Variants in ZSWIM4 observed in about 807,000 individuals in gnomAD.
The protein encoded by ZSWIM4 is zinc finger SWIM domain-containing protein 4.
ZSWIM4 carries 62 observed loss-of-function variants against 102.5 expected under a neutral mutation model. The observed-to-expected ratio is 0.60, with a 90% CI of 0.49 to 0.75. ZSWIM4 has a LOEUF of 0.75. ZSWIM4 is among the 30% of genes least tolerant of loss of function. The probability of loss-of-function intolerance (pLI) is 0.00; values close to 1 mark genes in which losing one functional copy is unlikely to be tolerated. For missense variants in ZSWIM4, 1,280 were observed against 1,529.6 expected, an observed-to-expected ratio of 0.84 and a Z score of 2.72; for synonymous variants, 652 against 674.5, an observed-to-expected ratio of 0.97 and a Z score of 0.52.
intron 11 of ZSWIM4, among the ~76,000 whole-genome samples, 190 bp downstream of exon 11, chr19:13,823,690 C>T (rs1599612543): frequency 6.6e-6 from 1 of 152,320 alleles, no homozygotes; most frequent in Middle Eastern, 3.4e-3. Context: ...TGTCCCAGAT[C>T]CCCTGCCCTG....
chr19:13,805,557 G>A (rs939765437), intron 3 of ZSWIM4, among the ~76,000 whole-genome samples: 2 of 151,936 alleles, frequency 1.3e-5, no homozygotes, highest in African/African-American at 4.8e-5. Flanking sequence ...GAGGCGTGGT[G>A]AGGGCTGGGA....
In ZSWIM4 at chr19:13,832,160, CTT is replaced by C. The variant is rs1975785730; in HGVS notation, c.*1114_*1115del. ...TTTCAAAGATTGAACAGAAATTTTT[CTT>C]TTTAATTTTATTTTGAGACTGGGGT... On this transcript the variant is annotated 3_prime_UTR_variant, in exon 14 of 14. Coordinates refer to ENST00000590508, the MANE Select transcript of ZSWIM4 (RefSeq NM_001367834.3). The C allele has an allele frequency of 1.1e-5, 1 of 88,538 alleles. No homozygotes were observed. Among genetic ancestry groups the C allele is most frequent in the Non-Finnish European group, 2.2e-5 (1 of 45,996 alleles). 5.5% of individuals were successfully genotyped at this position (88,538 alleles called of 1,614,324 possible).
At chr19:13,797,075 A>C (rs1477103480) in intron 1 of ZSWIM4, 1 of 152,314 alleles carries the variant, frequency 6.6e-6, no homozygotes, top group Non-Finnish European at 1.5e-5. Flanking sequence ...CACACAGAAC[A>C]ATCTGAAAAC....
At chr19:13,820,887 T>G (rs1975444045) in intron 10 of ZSWIM4, among the ~76,000 whole-genome samples, 1 of 149,284 alleles carries the variant, frequency 6.7e-6, no homozygotes, top group Admixed American at 6.7e-5. Flanking sequence ...ACTTGGAAGC[T>G]GATAGACATT....
At chr19:13,816,495 C>T (rs1048996750) in intron 7 of ZSWIM4, among the ~76,000 whole-genome samples, 11 of 152,034 alleles carry the variant, frequency 7.2e-5, no homozygotes, top group African/African-American at 2.7e-4. Flanking sequence ...GGTGTGGTGG[C>T]ACGTACCTGT....
rs762039515 is a variant in ZSWIM4, at chr19:13,819,506, G to A, written c.2060+14G>A. On this transcript the variant is annotated intron_variant, in intron 10 of 13. Transcript: ENST00000590508. ...GCGAGCTATGAGGTGAGGATAGGTG[G>A]CCAAGGCAGTGGCAGGGGGAGCTGG... is the stretch of plus-strand genomic sequence containing the variant. 4.4e-6 allele frequency: 7 copies of A among 1,581,984 alleles called. No homozygotes were observed. Among genetic ancestry groups the A allele is most frequent in the Non-Finnish European group, 6.0e-6 (7 of 1,164,436 alleles).
rs1974609383 is a variant in ZSWIM4 at position 13,796,221 on chromosome 19, G to T, written c.153+420G>T. ...CTCTTTTCCCACCTTATCCCCCAAC[G>T]GTACCCCTCTTTTCCTACCGCATCT... On this transcript the variant is annotated intron_variant, in intron 1 of 13. Transcript: ENST00000590508. Among the ~76,000 whole-genome samples the T allele has an allele frequency of 1.6e-5, 2 of 127,680 alleles. 1 individual carries two copies. The highest frequency in any genetic ancestry group is 3.2e-5 in the Non-Finnish European group (2 of 62,326). 83.8% of individuals were successfully genotyped at this position (127,680 alleles called of 152,430 possible). A position where few individuals can be genotyped will look rare whatever the true frequency, so the allele number is the denominator to read the frequency against.
In ZSWIM4 at chr19:13,830,813, G is replaced by A. The variant is rs374187895; in HGVS notation, c.3084G>A (p.Pro1028=). ...AGCCACTGGGTGCCGACCGGGCGCC[G>A]CTCTGCCAGCTCCTGGACGCGGCAG... ...AAKPLGADRA[P]LCQLLDAAVT... is the part of the protein sequence containing the mutation. The change falls in exon 14 of 14, where the codon CCG becomes CCA. Residue 1028 remains proline, a synonymous_variant. Coordinates refer to ENST00000590508, the MANE Select transcript of ZSWIM4 (RefSeq NM_001367834.3). The A allele has an allele frequency of 5.6e-6, 9 of 1,604,916 alleles. No homozygotes were observed. Among genetic ancestry groups the A allele is most frequent in the Middle Eastern group, 1.7e-4 (1 of 6,018 alleles).
Position 13,830,844 on chromosome 19 carries a change from G to A in ZSWIM4, c.3115G>A (p.Ala1039Thr), listed in dbSNP as rs1377955899. The A allele has an allele frequency of 1.2e-6, 2 of 1,612,400 alleles. No homozygotes were observed. The highest frequency in any genetic ancestry group is 1.1e-5 in the South Asian group (1 of 90,928). ...LCQLLDAAVTAYITTSHSRLT... is the reference protein window; with the variant it reads ...LCQLLDAAVTTYITTSHSRLT... The stretch of plus-strand genomic sequence containing the variant: ...CCAGCTCCTGGACGCGGCAGTCACC[G>A]CCTACATCACCACCAGCCACTCGCG... The change falls in exon 14 of 14, where the codon GCC becomes ACC. Residue 1039 changes from alanine (A) to threonine (T), a missense_variant. Coordinates refer to ENST00000590508, the MANE Select transcript of ZSWIM4 (RefSeq NM_001367834.3).
intron 11 of ZSWIM4, among the ~76,000 whole-genome samples, chr19:13,824,622 C>T (rs1263143179): frequency 1.3e-5 from 2 of 151,634 alleles, no homozygotes; most frequent in African/African-American, 2.4e-5. Flanking sequence ...ATCCCAGCTA[C>T]TTGGGAGGCT....
chr19:13,803,708 G>C (rs1437991305), intron 2 of ZSWIM4, among the ~76,000 whole-genome samples: 4 of 146,708 alleles, frequency 2.7e-5, no homozygotes, highest in African/African-American at 1.0e-4. Flanking sequence ...AGGAAGCTGA[G>C]GTAGGAGAAT....
chr19:13,799,822 G>T lies in ZSWIM4; in HGVS notation c.256G>T (p.Gly86Cys), dbSNP rs770224639. Reference protein sequence around the residue: ...EREICMYSSLGYPPPEGEHDA... With the variant: ...EREICMYSSLCYPPPEGEHDA... Reference sequence around the variant, plus strand: ...GGAAATATGTATGTACTCGTCGCTGGGTTACCCGCCCCCAGAGGGCGAGCA... The same window carrying T: ...GGAAATATGTATGTACTCGTCGCTGTGTTACCCGCCCCCAGAGGGCGAGCA... The change falls in exon 2 of 14, where the codon GGT becomes TGT. Residue 86 changes from glycine (G) to cysteine (C), a missense_variant. Coordinates refer to ENST00000590508, the MANE Select transcript of ZSWIM4 (RefSeq NM_001367834.3). 6.2e-6 allele frequency: 10 copies of T among 1,613,980 alleles called. No homozygotes were observed. The highest frequency in any genetic ancestry group is 8.5e-6 in the Non-Finnish European group (10 of 1,180,022).
intron 13 of ZSWIM4, among the ~76,000 whole-genome samples, chr19:13,829,413 A>G (rs1202306979): frequency 6.6e-6 from 1 of 152,154 alleles, no homozygotes; most frequent in Non-Finnish European, 1.5e-5. Context: ...CAACATGGCA[A>G]AACCCCATCT....
At chr19:13,816,705 A>G (rs903998096) in intron 7 of ZSWIM4, among the ~76,000 whole-genome samples, 16 of 152,176 alleles carry the variant, frequency 1.1e-4, no homozygotes, top group African/African-American at 3.6e-4. Flanking sequence ...TGCTCAGAAT[A>G]GAAGGAACAC....
rs767383130 is a variant in ZSWIM4 at position 13,808,859 on chromosome 19, G to T, written c.736G>T (p.Ala246Ser). The T allele has an allele frequency of 2.5e-6, 4 of 1,609,250 alleles. No homozygotes were observed. The highest frequency in any genetic ancestry group is 3.4e-6 in the Non-Finnish European group (4 of 1,178,088). The change falls in exon 4 of 14, where the codon GCA becomes TCA. Residue 246 changes from alanine (A) to serine (S), a missense_variant. Physicochemically the swap from Ala to Ser is moderately conservative, Grantham distance 99 (BLOSUM62 1). Coordinates refer to ENST00000590508, the MANE Select transcript of ZSWIM4 (RefSeq NM_001367834.3). ...AGGTGCCCCAGACCCCACCGCCGGCGCAGGAATCGAGGACGCCAACTGCTG... is the reference window on the plus strand; with the variant it reads ...AGGTGCCCCAGACCCCACCGCCGGCTCAGGAATCGAGGACGCCAACTGCTG... ...VNGAPDPTAG[A>S]GIEDANCWHL...
intron 12 of ZSWIM4, among the ~76,000 whole-genome samples, chr19:13,826,784 C>T (rs1466365472): frequency 6.6e-6 from 1 of 151,880 alleles, no homozygotes; most frequent in Admixed American, 6.6e-5. Context: ...AAAAAAAAGT[C>T]CTGTATGCAG....
In ZSWIM4 at chr19:13,830,517, G is replaced by C. The variant is rs1312128478; in HGVS notation, c.2788G>C (p.Glu930Gln). 1.3e-6 allele frequency: 2 copies of C among 1,599,698 alleles called. No individual in the cohort carries two copies. Among genetic ancestry groups the C allele is most frequent in the South Asian group, 1.1e-5 (1 of 91,010 alleles). Residue 930 changes from glutamate to glutamine, a missense_variant, in exon 14 of 14, where the codon GAG becomes CAG. Coordinates refer to ENST00000590508, the MANE Select transcript of ZSWIM4 (RefSeq NM_001367834.3). Reference protein sequence around the residue: ...AHLFTVARYMEHRGLPLRAYK... With the variant: ...AHLFTVARYMQHRGLPLRAYK... ...CCTCTTCACTGTGGCCCGCTATATG[G>C]AGCACCGCGGGCTGCCGCTCCGGGC...
chr19:13,799,079 G>T (rs1048069985), intron 1 of ZSWIM4, among the ~76,000 whole-genome samples: 4 of 151,618 alleles, frequency 2.6e-5, no homozygotes, highest in Non-Finnish European at 5.9e-5. Context: ...ATGAGCCACT[G>T]CCCTGACCTA....
chr19:13,822,501 T>C (rs1975493743), intron 10 of ZSWIM4, among the ~76,000 whole-genome samples: 1 of 152,218 alleles, frequency 6.6e-6, no homozygotes. Flanking sequence ...CATCTGTGAA[T>C]TGTCTGTGGC....
Sources: gnomAD v4.1 joint callset for allele counts (sites outside exome capture counted in the v4.1 genomes callset) on GRCh38, gnomAD v4.1.1 for gene constraint, MANE v1.5 for transcripts, NCBI Gene and HGNC (gene_info 2026-07-23, HGNC 2026-07-21) for gene names.